PRKAG2: variants seen among roughly 807,000 people sequenced by gnomAD.
The protein encoded by PRKAG2 is protein kinase AMP-activated non-catalytic subunit gamma 2, also known as 5'-AMP-activated protein kinase subunit gamma-2.
PRKAG2 carries 26 observed loss-of-function variants against 69.6 expected under a neutral mutation model. The ratio of observed to expected loss-of-function variants is 0.37; its 90% CI spans 0.27 to 0.52. PRKAG2 has a LOEUF of 0.52. Among genes scored for constraint, PRKAG2 ranks in the 20% least tolerant of loss-of-function variants. The pLI, the probability that PRKAG2 is intolerant of heterozygous loss-of-function variation, is 0.90. For synonymous variants in PRKAG2, 293 were observed against 285.0 expected (o/e 1.03, Z -0.28); for missense variants, 557 against 740.0 (o/e 0.75, Z 2.87).
intron 6 of PRKAG2, among the ~76,000 whole-genome samples, chr7:151,587,393 G>A (rs1470572849): frequency 2.0e-5 from 3 of 152,122 alleles, no homozygotes; most frequent in Middle Eastern, 3.2e-3. Context: ...CAGCCCTCAC[G>A]GAGGTGAAGC....
At chr7:151,691,515 A>G (rs1476573995) in intron 3 of PRKAG2, among the ~76,000 whole-genome samples, 1 of 152,136 alleles carries the variant, frequency 6.6e-6, no homozygotes, top group Non-Finnish European at 1.5e-5. Flanking sequence ...CAGAAGATTT[A>G]AACACATACT....
At chr7:151,797,696 G>A (rs1436865814) in intron 1 of PRKAG2, among the ~76,000 whole-genome samples, 4 of 152,192 alleles carry the variant, frequency 2.6e-5, no homozygotes, top group African/African-American at 7.2e-5. Context: ...AAAGGTACAG[G>A]GAGTTCAGAG....
At chr7:151,715,989 T>C (rs1796124382) in intron 3 of PRKAG2, among the ~76,000 whole-genome samples, 1 of 152,152 alleles carries the variant, frequency 6.6e-6, no homozygotes, top group Admixed American at 6.5e-5. Context: ...TGGATTTGCT[T>C]CAAAATAATC....
At chr7:151,823,244 A>ATT (rs35234144) in intron 1 of PRKAG2, among the ~76,000 whole-genome samples, 23 of 151,408 alleles carry the variant, frequency 1.5e-4, no homozygotes, top group South Asian at 4.2e-4. Context: ...TTGTATCAAC[A>ATT]TTTTTTTTTC....
intron 3 of PRKAG2, among the ~76,000 whole-genome samples, chr7:151,695,195 A>G (rs1393067004): frequency 1.3e-5 from 2 of 152,232 alleles, no homozygotes; most frequent in Non-Finnish European, 2.9e-5. Context: ...GCAGAGTCTG[A>G]TGACACTGTG....
chr7:151,564,278 G>T, intron 13 of PRKAG2, 54 bp from the exon 14 acceptor site: 3 of 1,595,544 alleles, frequency 1.9e-6, no homozygotes, highest in South Asian at 2.2e-5. Context: ...TCACTTCAAT[G>T]ACCAAAATTA....
At chr7:151,631,220 G>T (rs1021594015) in intron 5 of PRKAG2, among the ~76,000 whole-genome samples, 3 of 152,188 alleles carry the variant, frequency 2.0e-5, no homozygotes, top group African/African-American at 7.2e-5. Context: ...AAGACAGTGT[G>T]AACGCCTTTT....
In PRKAG2 at chr7:151,840,786, G is replaced by A. The variant is rs146559036; in HGVS notation, c.114+35721C>T. 2.4e-3 allele frequency among the ~76,000 whole-genome samples: 373 copies of A among 152,386 alleles called. 2 individuals are homozygous for A. Among genetic ancestry groups the A allele is most frequent in the African/African-American group, 8.1e-3 (336 of 41,604 alleles). On this transcript the variant is annotated intron_variant, in intron 1 of 15. Transcript: ENST00000287878. ...GGAGGGGTTTACACCGGAGCGAGGA[G>A]CTGCCCACCCGAGTCTCAGGCTCCT...
At chr7:151,778,557 C>T (rs901646611) in intron 3 of PRKAG2, among the ~76,000 whole-genome samples, 1 of 152,240 alleles carries the variant, frequency 6.6e-6, no homozygotes, top group Non-Finnish European at 1.5e-5. Context: ...CCCATGCCTT[C>T]TCCAAGCCCT....
At chr7:151,619,829 T>C (rs537713513) in intron 5 of PRKAG2, among the ~76,000 whole-genome samples, 3 of 152,254 alleles carry the variant, frequency 2.0e-5, no homozygotes, top group Non-Finnish European at 2.9e-5. Flanking sequence ...AAGACCAGCC[T>C]GGCCAACATG....
chr7:151,560,599 C>T lies in PRKAG2; in HGVS notation c.1603G>A (p.Val535Ile). 1 of 1,614,036 alleles carries T rather than the reference C, an allele frequency of 6.2e-7. No individual in the cohort carries two copies. Among genetic ancestry groups the T allele is most frequent in the Non-Finnish European group, 8.5e-7 (1 of 1,179,900 alleles). ...VRAEVHRLVV[V>I]NEADSIVGII... The stretch of plus-strand genomic sequence containing the variant: ...CCCACAATACTATCTGCTTCATTTA[C>T]CACCACCAGCCGATGGACCTGCAAA... The change falls in exon 15 of 16, where the codon GTA (valine) becomes ATA (isoleucine). Residue 535 changes from valine (V) to isoleucine (I), a missense_variant. Val to Ile is a conservative substitution (Grantham distance 29). Around this residue, in one of 2 missense-constraint regions of PRKAG2, gnomAD observed 205 missense variants for 383.4 expected, o/e 0.53. Coordinates refer to ENST00000287878, the MANE Select transcript of PRKAG2 (RefSeq NM_016203.4).
chr7:151,650,301 C>CA (rs11404467), intron 4 of PRKAG2, among the ~76,000 whole-genome samples: 75,721 of 141,988 alleles, frequency 0.53, 19,947 homozygotes, highest in African/African-American at 0.56. Context: ...AACCCAGTCT[C>CA]AAAAAAAAAA....
At chr7:151,754,649 A>C (rs2074945640) in intron 3 of PRKAG2, among the ~76,000 whole-genome samples, 1 of 152,166 alleles carries the variant, frequency 6.6e-6, no homozygotes, top group Non-Finnish European at 1.5e-5. Context: ...CTCACAGGGC[A>C]CAGCCCTGAG....
chr7:151,732,768 C>T (rs1799164624), intron 3 of PRKAG2, among the ~76,000 whole-genome samples: 1 of 152,194 alleles, frequency 6.6e-6, no homozygotes, highest in Admixed American at 6.5e-5. Flanking sequence ...TCTTGGCTCA[C>T]TGCAACCTCC....
intron 5 of PRKAG2, among the ~76,000 whole-genome samples, chr7:151,623,192 C>T (rs181489945): frequency 9.2e-4 from 140 of 151,736 alleles, no homozygotes; most frequent in African/African-American, 3.1e-3. Context: ...TGGTAAAACC[C>T]CGTCTCTACA....
intron 3 of PRKAG2, among the ~76,000 whole-genome samples, chr7:151,720,187 T>G (rs1168609215): frequency 6.6e-6 from 1 of 152,150 alleles, no homozygotes; most frequent in East Asian, 1.9e-4. Context: ...ACTCCTCCAG[T>G]GGCTGCAGAC....
At chr7:151,744,744 C>A (rs1280752743) in intron 3 of PRKAG2, among the ~76,000 whole-genome samples, 1 of 152,132 alleles carries the variant, frequency 6.6e-6, no homozygotes, top group Non-Finnish European at 1.5e-5. Flanking sequence ...TGGCACTTCC[C>A]AGGGCAGGGC....
intron 5 of PRKAG2, among the ~76,000 whole-genome samples, chr7:151,595,736 C>A (rs1271270198): frequency 7.9e-5 from 12 of 152,146 alleles, no homozygotes; most frequent in African/African-American, 2.9e-4. Context: ...TGATTTTCTA[C>A]ATAGGAAATA....
At chr7:151,790,140 T>A (rs191753158) in intron 1 of PRKAG2, among the ~76,000 whole-genome samples, 1 of 152,158 alleles carries the variant, frequency 6.6e-6, no homozygotes, top group Admixed American at 6.5e-5. Flanking sequence ...GCCCCCAGCA[T>A]GAAGCCCGGC....
Sources: gnomAD v4.1 joint callset for allele counts (sites outside exome capture counted in the v4.1 genomes callset) on GRCh38, gnomAD v4.1.1 for gene constraint, gnomAD v4.1.1 regional missense constraint, MANE v1.5 for transcripts, NCBI Gene and HGNC (gene_info 2026-07-23, HGNC 2026-07-21) for gene names.